The following LRRC1 variants were observed in gnomAD, a reference collection of about 807,000 sequenced individuals.
LRRC1 encodes leucine rich repeat containing 1.
LRRC1 carries 28 observed loss-of-function variants against 69.9 expected under a neutral mutation model. That is an observed-to-expected ratio of 0.40 (90% confidence interval 0.30 to 0.55). The LOEUF is 0.55. Ranked by LOEUF, LRRC1 falls within the 20% of genes least tolerant of loss-of-function variation. The pLI, the probability that LRRC1 is intolerant of heterozygous loss-of-function variation, is 0.47. For missense variants in LRRC1, 498 were observed against 609.0 expected, an observed-to-expected ratio of 0.82 and a Z score of 1.92; for synonymous variants, 236 against 240.2, an observed-to-expected ratio of 0.98 and a Z score of 0.16.
Position 53,922,639 on chromosome 6 carries a change from C to A in LRRC1, c.1421C>A (p.Thr474Lys). The change falls in exon 14 of 14, where the codon ACA becomes AAA. Residue 474 changes from threonine (T) to lysine (K), a missense_variant. Physicochemically the swap from Thr to Lys is moderately conservative, Grantham distance 78 (BLOSUM62 -1). This residue lies in a region of LRRC1 where 162 missense variants were observed against 162.9 expected (regional missense o/e 0.99). Transcript: ENST00000370888. ...CACTCCACTGTTTGTTTTTAGAGAA[C>A]ACTTCTAAGGCGAGCCACTCCACAC... ...EKDEEDNETR[T>K]LLRRATPHPG... is the part of the protein sequence containing the mutation. The A allele has an allele frequency of 6.2e-7, 1 of 1,601,620 alleles. No homozygotes were observed. The highest frequency in any genetic ancestry group is 1.1e-5 in the South Asian group (1 of 88,908).
At chr6:53,921,871 G>T (rs922732941) in intron 13 of LRRC1, among the ~76,000 whole-genome samples, 3 of 152,174 alleles carry the variant, frequency 2.0e-5, no homozygotes, top group Non-Finnish European at 4.4e-5. Context: ...ACTCTTTAAT[G>T]CTTACCTCAA....
chr6:53,888,703 A>G (rs1767575537), intron 4 of LRRC1, among the ~76,000 whole-genome samples: 1 of 152,208 alleles, frequency 6.6e-6, no homozygotes, highest in African/African-American at 2.4e-5. Context: ...TGCCAGACAC[A>G]AAAAGCTAAA....
Position 53,895,444 on chromosome 6 carries a change from G to A in LRRC1, c.447-1054G>A, listed in dbSNP as rs547712922. On this transcript the variant is annotated intron_variant, in intron 4 of 13. Transcript: ENST00000370888. ...AGCCTTGTTAGTACACGTGATTCTG[G>A]CTTTTTTGTTGGAAGGAGGGAGAAT... is the stretch of plus-strand genomic sequence containing the variant. Among the ~76,000 whole-genome samples the A allele has an allele frequency of 3.1e-4, 47 of 152,230 alleles. No individual in the cohort carries two copies. The South Asian group carries it at 8.9e-3, about 29-fold the overall frequency.
chr6:53,893,330 G>A (rs986760522), intron 4 of LRRC1, among the ~76,000 whole-genome samples: 1 of 152,138 alleles, frequency 6.6e-6, no homozygotes, highest in Non-Finnish European at 1.5e-5. Context: ...GGACAAGCAG[G>A]ATTCAAGCCT....
chr6:53,810,233 C>T (rs970424148), intron 1 of LRRC1, among the ~76,000 whole-genome samples: 21 of 152,180 alleles, frequency 1.4e-4, no homozygotes, highest in African/African-American at 4.8e-4. Flanking sequence ...TGTTATGTCT[C>T]TCGTTTAACC....
intron 1 of LRRC1, among the ~76,000 whole-genome samples, chr6:53,834,754 A>G (rs1765561298): frequency 6.6e-6 from 1 of 152,190 alleles, no homozygotes; most frequent in Non-Finnish European, 1.5e-5. Flanking sequence ...CAGGCGGATC[A>G]CGAGGTCAGG....
intron 2 of LRRC1, among the ~76,000 whole-genome samples, chr6:53,856,159 A>G (rs1325985274): frequency 6.6e-6 from 1 of 152,258 alleles, no homozygotes; most frequent in Non-Finnish European, 1.5e-5. Flanking sequence ...AGCAATAGTG[A>G]AAGTCTTGGC....
At chr6:53,811,702 A>G (rs74677900) in intron 1 of LRRC1, among the ~76,000 whole-genome samples, 1 of 152,210 alleles carries the variant, frequency 6.6e-6, no homozygotes, top group Non-Finnish European at 1.5e-5. Flanking sequence ...ATTTTTTTTA[A>G]GTCACACTTT....
chr6:53,857,473 C>T (rs536478771), intron 2 of LRRC1, among the ~76,000 whole-genome samples: 73 of 152,238 alleles, frequency 4.8e-4, no homozygotes, highest in African/African-American at 1.7e-3. Flanking sequence ...TGAAACTGCC[C>T]AGGCATAACC....
rs536545510 is a variant in LRRC1, at chr6:53,896,706, A to G, written c.504-123A>G. ...CTTTTCTTAACAATCCTTCCTGTGCAATATTTTCTACCATAAAAATAAAAA... is the reference window on the plus strand; with the variant it reads ...CTTTTCTTAACAATCCTTCCTGTGCGATATTTTCTACCATAAAAATAAAAA... On this transcript the variant is annotated intron_variant, in intron 5 of 13. Coordinates refer to ENST00000370888, the MANE Select transcript of LRRC1 (RefSeq NM_018214.5). 41 of 965,140 alleles carry G rather than the reference A, an allele frequency of 4.2e-5. No individual in the cohort carries two copies. The South Asian group carries it at 5.8e-4, about 14-fold the overall frequency. The allele number at this position is 965,140 out of a possible 1,614,324, so 59.8% of individuals were successfully genotyped here.
At chr6:53,808,762 C>A (rs1764706636) in intron 1 of LRRC1, among the ~76,000 whole-genome samples, 1 of 152,072 alleles carries the variant, frequency 6.6e-6, no homozygotes, top group Non-Finnish European at 1.5e-5. Context: ...ACCTGATGAG[C>A]CATAAGTTGC....
At chr6:53,891,532 AAG>A (rs1378279492) in intron 4 of LRRC1, among the ~76,000 whole-genome samples, 4 of 151,936 alleles carry the variant, frequency 2.6e-5, no homozygotes, top group Non-Finnish European at 4.4e-5. Flanking sequence ...AAAAAAAAAA[AAG>A]AGGGAGAGAG....
At chr6:53,915,582 GCCT>G (rs1191584404) in intron 11 of LRRC1, among the ~76,000 whole-genome samples, 1 of 152,136 alleles carries the variant, frequency 6.6e-6, no homozygotes, top group African/African-American at 2.4e-5. Flanking sequence ...GCATGAATTT[GCCT>G]CAATTCTTGA....
At chr6:53,833,135 A>G (rs1262971970) in intron 1 of LRRC1, among the ~76,000 whole-genome samples, 1 of 152,112 alleles carries the variant, frequency 6.6e-6, no homozygotes, top group African/African-American at 2.4e-5. Context: ...CTGCACCATC[A>G]GTCTGGTCCT....
At chr6:53,870,492 T>C (rs1766845639) in intron 2 of LRRC1, among the ~76,000 whole-genome samples, 2 of 152,160 alleles carry the variant, frequency 1.3e-5, no homozygotes, top group African/African-American at 4.8e-5. Flanking sequence ...TATTAGGAGG[T>C]ATCTTTTTTA....
At chr6:53,920,139 G>A (rs1448707772) in intron 12 of LRRC1, among the ~76,000 whole-genome samples, 1 of 152,182 alleles carries the variant, frequency 6.6e-6, no homozygotes, top group East Asian at 1.9e-4. Flanking sequence ...GCTGGGTTTG[G>A]TGGAGGAGAA....
At chr6:53,844,249 AG>A (rs59329186) in intron 2 of LRRC1, among the ~76,000 whole-genome samples, 56,424 of 152,124 alleles carry the variant, frequency 0.37, 10,926 homozygotes, top group East Asian at 0.64. Context: ...TCTGCAAGGA[AG>A]CAGTGACTTT....
At chr6:53,896,274 C>G (rs896227182) in intron 4 of LRRC1, among the ~76,000 whole-genome samples, 26 of 152,102 alleles carry the variant, frequency 1.7e-4, no homozygotes, top group Non-Finnish European at 2.4e-4. Flanking sequence ...ACACACTACT[C>G]TTTTATTAAT....
intron 7 of LRRC1, 29 bp downstream of exon 7, chr6:53,897,388 A>G: frequency 7.1e-7 from 1 of 1,412,496 alleles, no homozygotes; most frequent in East Asian, 2.3e-5. Context: ...GTGTCTCCCC[A>G]AAACATAAAA....
Sources: gnomAD v4.1 joint callset for allele counts (sites outside exome capture counted in the v4.1 genomes callset) on GRCh38, gnomAD v4.1.1 for gene constraint, gnomAD v4.1.1 regional missense constraint, MANE v1.5 for transcripts, NCBI Gene and HGNC (gene_info 2026-07-23, HGNC 2026-07-21) for gene names.